CTNNA3: variants seen among roughly 807,000 people sequenced by gnomAD.
CTNNA3 encodes catenin alpha 3, also known as catenin alpha-3.
A neutral mutation model predicts 95.7 loss-of-function variants in CTNNA3; 76 were observed. The ratio of observed to expected loss-of-function variants is 0.79; its 90% CI spans 0.66 to 0.96. The LOEUF is 0.96. Ranked by LOEUF, CTNNA3 falls within the 40% of genes least tolerant of loss-of-function variation. The pLI is 0.00. For synonymous variants in CTNNA3, 431 were observed against 374.4 expected, an observed-to-expected ratio of 1.15 and a Z score of -1.74; for missense variants, 1,191 against 1,089.8, an observed-to-expected ratio of 1.09 and a Z score of -1.31.
chr10:67,018,913 C>T (rs556274103), intron 7 of CTNNA3, among the ~76,000 whole-genome samples: 19 of 152,132 alleles, frequency 1.2e-4, no homozygotes, highest in Non-Finnish European at 2.8e-4. Context: ...GCTAATCTGG[C>T]AAGTGGGTTA....
chr10:67,427,918 G>C (rs1006728842), intron 5 of CTNNA3, among the ~76,000 whole-genome samples: 11 of 152,034 alleles, frequency 7.2e-5, no homozygotes, highest in African/African-American at 2.2e-4. Flanking sequence ...TCAATAGAGG[G>C]AGACAGCTTA....
chr10:67,138,678 T>C (rs2132035823), intron 7 of CTNNA3, among the ~76,000 whole-genome samples: 1 of 152,322 alleles, frequency 6.6e-6, no homozygotes, highest in East Asian at 1.9e-4. Flanking sequence ...AGGGTTCAAA[T>C]GGCAGCTGCC....
Position 67,606,993 on chromosome 10 carries a change from C to A in CTNNA3, c.156G>T (p.Ser52=). The change falls in exon 3 of 18, where the codon TCG becomes TCT. Residue 52 remains serine (S), a synonymous_variant. Coordinates refer to ENST00000433211, the MANE Select transcript of CTNNA3 (RefSeq NM_013266.4). ...QNPSSRKKGR[S]KRASVLLASV... ...AAGCTAGAAGGACACTGGCTCTTTTCGAACGTCCTTTTTTCCTGCTGGAAG... is the reference window on the plus strand; with the variant it reads ...AAGCTAGAAGGACACTGGCTCTTTTAGAACGTCCTTTTTTCCTGCTGGAAG... 1 of 1,614,096 alleles carries A rather than the reference C, an allele frequency of 6.2e-7. No individual in the cohort carries two copies. The highest frequency in any genetic ancestry group is 8.5e-7 in the Non-Finnish European group (1 of 1,179,972).
chr10:66,928,289 T>C (rs1384750374), intron 7 of CTNNA3: 5 of 1,614,058 alleles, frequency 3.1e-6, no homozygotes, highest in Non-Finnish European at 4.2e-6. Flanking sequence ...CGCTCCCTCA[T>C]GCGAAGGCAC....
At chr10:66,482,058 G>A (rs1159981647) in intron 11 of CTNNA3, among the ~76,000 whole-genome samples, 1 of 152,080 alleles carries the variant, frequency 6.6e-6, no homozygotes. Context: ...ATGTATTGGG[G>A]GAGGAAGATA....
intron 13 of CTNNA3, among the ~76,000 whole-genome samples, chr10:66,163,665 G>T (rs562882193): frequency 3.9e-5 from 6 of 151,968 alleles, no homozygotes; most frequent in Admixed American, 1.3e-4. Context: ...CTTACTTCTG[G>T]GTTTCAGTTA....
Position 67,292,276 on chromosome 10 carries a change from G to A in CTNNA3, c.580-72406C>T, listed in dbSNP as rs139859688. Among the ~76,000 whole-genome samples, 117 of 152,240 alleles carry A rather than the reference G, an allele frequency of 7.7e-4. 2 individuals carry two copies. In the East Asian group the frequency reaches 0.021, roughly 28 times the overall value. On this transcript the variant is annotated intron_variant, in intron 5 of 17. Coordinates refer to ENST00000433211, the MANE Select transcript of CTNNA3 (RefSeq NM_013266.4). ...AGGGAAAAGAAGTTCTAGTTTCTAC[G>A]ACATGCCCTGGGGAAGAGGGATTCT...
chr10:66,357,475 C>T (rs2092620042), intron 12 of CTNNA3, among the ~76,000 whole-genome samples: 2 of 152,142 alleles, frequency 1.3e-5, no homozygotes, highest in African/African-American at 4.8e-5. Context: ...AAACTCTGCG[C>T]CCTTTAGCCA....
At chr10:66,310,144 A>T (rs2091998175) in intron 12 of CTNNA3, among the ~76,000 whole-genome samples, 1 of 151,654 alleles carries the variant, frequency 6.6e-6, no homozygotes, top group Admixed American at 6.6e-5. Context: ...AAAGGCAAAA[A>T]ATAATATTCT....
At chr10:67,744,464 A>C (rs1317652521) in intron 1 of CTNNA3, among the ~76,000 whole-genome samples, 1 of 151,368 alleles carries the variant, frequency 6.6e-6, no homozygotes, top group Non-Finnish European at 1.5e-5. Context: ...AGAAAGCTGA[A>C]ACTGGATCCC....
intron 7 of CTNNA3, among the ~76,000 whole-genome samples, chr10:67,022,340 T>G (rs1016077902): frequency 6.6e-6 from 1 of 152,224 alleles, no homozygotes; most frequent in East Asian, 1.9e-4. Context: ...CCTCTGTGTG[T>G]GTGTGTGTCT....
chr10:66,763,341 C>CACACACACAGAG lies in CTNNA3; in HGVS notation c.1281+2922_1281+2923insCTCTGTGTGTGT, dbSNP rs371974709. 2.4e-3 allele frequency among the ~76,000 whole-genome samples: 331 copies of CACACACACAGAG among 139,208 alleles called. 2 individuals carry two copies. Among genetic ancestry groups the CACACACACAGAG allele is most frequent in the African/African-American group, 8.5e-3 (313 of 37,000 alleles). The allele number at this position is 139,208 out of a possible 152,430, so 91.3% of individuals were successfully genotyped here. On this transcript the variant is annotated intron_variant, in intron 9 of 17. Coordinates refer to ENST00000433211, the MANE Select transcript of CTNNA3 (RefSeq NM_013266.4). ...ACACACACACACACACACACACACA[C>CACACACACAGAG]AGAGAGAGAGAGGGAGAGAGAGAGA...
Position 65,918,452 on chromosome 10 carries a change from T to G in CTNNA3, c.*1878A>C, listed in dbSNP as rs1289634505. 1 of 151,880 alleles carries G rather than the reference T, an allele frequency of 6.6e-6. No homozygotes were observed. Among genetic ancestry groups the G allele is most frequent in the Non-Finnish European group, 1.5e-5 (1 of 67,932 alleles). The allele number at this position is 151,880 out of a possible 1,614,324, so 9.4% of individuals were successfully genotyped here. ...AAGAAGGATATACCACAGATGTCAC[T>G]CGTGCAACATCTACACTTAGAGCAG... On this transcript the variant is annotated 3_prime_UTR_variant, in exon 18 of 18. Transcript: ENST00000433211.
At chr10:67,624,275 C>G (rs1843950086) in intron 2 of CTNNA3, among the ~76,000 whole-genome samples, 1 of 152,120 alleles carries the variant, frequency 6.6e-6, no homozygotes, top group African/African-American at 2.4e-5. Context: ...AATAATAACT[C>G]TAATCACAGG....
rs184373465 is a variant in CTNNA3 at position 66,531,136 on chromosome 10, T to C, written c.1375-10363A>G. Among the ~76,000 whole-genome samples, 713 of 152,112 alleles carry C rather than the reference T, an allele frequency of 4.7e-3. 4 individuals carry two copies. Among genetic ancestry groups the C allele is most frequent in the Non-Finnish European group, 7.5e-3 (512 of 67,960 alleles). ...TGGACAACCTTCCAAATTAAATAAG[T>C]AAAAGAGGAAAAGAATATAAAATGC... On this transcript the variant is annotated intron_variant, in intron 10 of 17. Transcript: ENST00000433211.
intron 17 of CTNNA3, among the ~76,000 whole-genome samples, chr10:65,925,595 C>A (rs546397001): frequency 1.9e-4 from 29 of 152,244 alleles, no homozygotes; most frequent in African/African-American, 6.7e-4. Context: ...TGCCACCATG[C>A]CTGGCTAATT....
chr10:66,568,552 T>G (rs944374675), intron 10 of CTNNA3, among the ~76,000 whole-genome samples: 5 of 152,040 alleles, frequency 3.3e-5, no homozygotes, highest in Admixed American at 2.6e-4. Flanking sequence ...CACTTCTACT[T>G]CCTGAGCTGC....
intron 3 of CTNNA3, among the ~76,000 whole-genome samples, chr10:67,542,597 A>C (rs551689261): frequency 6.6e-6 from 1 of 152,236 alleles, no homozygotes; most frequent in African/African-American, 2.4e-5. Context: ...AGTATGAAAC[A>C]GTATTTTTGC....
chr10:66,327,685 A>G lies in CTNNA3; in HGVS notation c.1733-47064T>C, dbSNP rs2092272174. ...TCAAGTGCAATTCTTAGGACCCTATAATATGATTATTAAAATTTTTTCCAT... is the reference window on the plus strand; with the variant it reads ...TCAAGTGCAATTCTTAGGACCCTATGATATGATTATTAAAATTTTTTCCAT... On this transcript the variant is annotated intron_variant, in intron 12 of 17. Coordinates refer to ENST00000433211, the MANE Select transcript of CTNNA3 (RefSeq NM_013266.4). 2.0e-5 allele frequency among the ~76,000 whole-genome samples: 3 copies of G among 152,082 alleles called. No homozygotes were observed. In the South Asian group the frequency reaches 6.2e-4, roughly 32 times the overall value.
Sources: allele counts gnomAD v4.1 joint callset (sites outside exome capture counted in the v4.1 genomes callset), GRCh38; gene constraint gnomAD v4.1.1; transcripts MANE v1.5; gene names NCBI Gene and HGNC (gene_info 2026-07-23, HGNC 2026-07-21).